Variants in ITSN2 observed in about 807,000 individuals in gnomAD.
ITSN2 encodes intersectin 2, also known as intersectin-2.
A neutral mutation model predicts 243.7 loss-of-function variants in ITSN2; 156 were observed. The ratio of observed to expected loss-of-function variants is 0.64; its 90% CI spans 0.56 to 0.73. The LOEUF (loss-of-function observed/expected upper bound fraction) is 0.73. Among genes scored for constraint, ITSN2 ranks in the 30% least tolerant of loss-of-function variants. ITSN2 has a pLI of 0.00. For missense variants in ITSN2, 1,801 were observed against 1,996.1 expected, an observed-to-expected ratio of 0.90 and a Z score of 1.86; for synonymous variants, 703 against 699.9, an observed-to-expected ratio of 1.00 and a Z score of -0.07.
intron 4 of ITSN2, 87 bp from the exon 5 acceptor site, chr2:24,312,462 G>A (rs1683369904): frequency 1.1e-6 from 1 of 913,900 alleles, no homozygotes; most frequent in South Asian, 2.4e-5. Flanking sequence ...AAGTAAAAAT[G>A]ATGATATGGC....
At chr2:24,235,236 G>GAA (rs1558461247) in intron 29 of ITSN2, among the ~76,000 whole-genome samples, 3 of 152,178 alleles carry the variant, frequency 2.0e-5, no homozygotes, top group Admixed American at 1.3e-4. Context: ...AATCTGAAAA[G>GAA]GCTATGTACT....
At chr2:24,292,547 A>C (rs899103307) in intron 15 of ITSN2, among the ~76,000 whole-genome samples, 1 of 152,186 alleles carries the variant, frequency 6.6e-6, no homozygotes, top group African/African-American at 2.4e-5. Context: ...AGTGAACTTC[A>C]TTTCTGATAT....
chr2:24,328,933 T>C (rs1206695860), intron 1 of ITSN2, among the ~76,000 whole-genome samples: 1 of 152,194 alleles, frequency 6.6e-6, no homozygotes, highest in Non-Finnish European at 1.5e-5. Context: ...GGGCAAGCAC[T>C]CTAAGAGAAG....
chr2:24,258,061 G>T lies in ITSN2; in HGVS notation c.2715C>A (p.Ala905=). 6.2e-7 allele frequency: 1 copy of T among 1,613,938 alleles called. No individual in the cohort carries two copies. Residue 905 remains alanine, a synonymous_variant, in exon 23 of 40, where the codon GCC becomes GCA. Coordinates refer to ENST00000355123, the MANE Select transcript of ITSN2 (RefSeq NM_006277.3). ...GQVVENLKAQ[A]LCSWTAKKDN... is the part of the protein sequence containing the mutation. The stretch of plus-strand genomic sequence containing the variant: ...CTTTCTTTGCAGTCCAGGAACAAAG[G>T]GCCTGTGCTTTTAAGTTTTCTACCA...
chr2:24,280,474 A>C (rs1204168262), intron 17 of ITSN2, among the ~76,000 whole-genome samples: 2 of 152,150 alleles, frequency 1.3e-5, no homozygotes, highest in Non-Finnish European at 2.9e-5. Context: ...AACTTCCTCT[A>C]TGTGATCAGG....
chr2:24,282,609 T>C (rs1430929826), intron 17 of ITSN2, among the ~76,000 whole-genome samples: 1 of 152,114 alleles, frequency 6.6e-6, no homozygotes, highest in African/African-American at 2.4e-5. Flanking sequence ...ACACCCCCAC[T>C]GGGGCTTCAG....
chr2:24,206,504 G>C (rs1668897450), intron 37 of ITSN2, among the ~76,000 whole-genome samples: 1 of 151,958 alleles, frequency 6.6e-6, no homozygotes, highest in Non-Finnish European at 1.5e-5. Flanking sequence ...GGGAGGTTGG[G>C]GCCTGGCATT....
intron 25 of ITSN2, among the ~76,000 whole-genome samples, chr2:24,250,587 T>C (rs7566420): frequency 0.98 from 149,165 of 152,308 alleles, 73,043 homozygotes; most frequent in East Asian, 0.99. Flanking sequence ...TATCACATCA[T>C]GCACGGGTAA....
intron 18 of ITSN2, chr2:24,273,662 G>A (rs78711174): frequency 0.19 from 28,430 of 152,084 alleles, 3,083 homozygotes; most frequent in Non-Finnish European, 0.25. Flanking sequence ...TTAATTTAAG[G>A]AAAGGATGTC....
chr2:24,319,726 C>T (rs188054391), intron 2 of ITSN2, among the ~76,000 whole-genome samples: 7 of 152,314 alleles, frequency 4.6e-5, no homozygotes. Context: ...CAACCTGTGC[C>T]CCTCTTCTGA....
intron 2 of ITSN2, among the ~76,000 whole-genome samples, chr2:24,319,102 G>A (rs1684262445): frequency 6.6e-6 from 1 of 152,158 alleles, no homozygotes; most frequent in Non-Finnish European, 1.5e-5. Context: ...TGTCTTCCAT[G>A]AAACTGGTCC....
chr2:24,328,139 G>A lies in ITSN2; in HGVS notation c.-33-24C>T, dbSNP rs369189886. The stretch of plus-strand genomic sequence containing the variant: ...ATCTGCAACATAAAAATATTGTGCC[G>A]TTGATAATACAACAAGGGCAAATCA... On this transcript the variant is annotated intron_variant, in intron 1 of 39. Transcript: ENST00000355123. 533 of 1,559,740 alleles carry A rather than the reference G, an allele frequency of 3.4e-4. 1 individual carries two copies. The African/African-American group carries it at 6.3e-3, about 18-fold the overall frequency.
At position 24,252,403 on chromosome 2, in the gene ITSN2, C is replaced by T. The variant is rs770288630; in HGVS notation, c.3062G>A (p.Ser1021Asn). 1.9e-6 allele frequency: 3 copies of T among 1,613,084 alleles called. No individual in the cohort carries two copies. The highest frequency in any genetic ancestry group is 2.2e-5 in the South Asian group (2 of 91,050). The change falls in exon 25 of 40, where the codon AGT becomes AAT. Residue 1021 changes from serine (S) to asparagine (N), a missense_variant. Around this residue, in one of 5 missense-constraint regions of ITSN2, gnomAD observed 928 missense variants for 1,065.4 expected, o/e 0.87. Transcript: ENST00000355123. ...AAAAATTCCACTTCTATCTCCAATA[C>T]TTCCTGTCCACCACTCTCCATCTTT... ...TQKDGEWWTG[S>N]IGDRSGIFPS...
In ITSN2 at chr2:24,360,377, G is replaced by A. The variant is rs112242601; in HGVS notation, c.-107C>T. The A allele has an allele frequency of 6.6e-6, 1 of 152,388 alleles. No individual in the cohort carries two copies. Among genetic ancestry groups the A allele is most frequent in the Non-Finnish European group, 1.5e-5 (1 of 68,150 alleles). 9.4% of individuals were successfully genotyped at this position (152,388 alleles called of 1,614,324 possible). A position where few individuals can be genotyped will look rare whatever the true frequency, so the allele number is the denominator to read the frequency against. ...CCTCAGCACCGGCAGCCTGGGCGCG[G>A]GCAGGCGCGGGGAGACCCTGCTCTG... On this transcript the variant is annotated 5_prime_UTR_variant, in exon 1 of 40. Transcript: ENST00000355123.
At position 24,310,375 on chromosome 2, in the gene ITSN2, G is replaced by A. The variant is rs1025541867; in HGVS notation, c.562C>T (p.Pro188Ser). 5 of 1,612,692 alleles carry A rather than the reference G, an allele frequency of 3.1e-6. No individual in the cohort carries two copies. The highest frequency in any genetic ancestry group is 1.7e-4 in the Middle Eastern group (1 of 6,058). The change falls in exon 7 of 40, where the codon CCT becomes TCT. Residue 188 changes from proline (P) to serine (S), a missense_variant. By Grantham distance (74) the Pro-to-Ser change is moderately conservative (BLOSUM62 -1). This residue lies in a region of ITSN2 where 787 missense variants were observed against 803.9 expected (regional missense o/e 0.98). Transcript: ENST00000355123. ...LPIPYSSSTLPHGSSYSLMMG... is the reference protein window; with the variant it reads ...LPIPYSSSTLSHGSSYSLMMG... ...ATCAGACTATAAGATGACCCATGAG[G>A]CAATGCTAAAAAAGAAAAAGAAGGA...
rs78974736 is a variant in ITSN2, at chr2:24,240,141, A to G, written c.3577+5988T>C. ...TAAAGAAAAAACCTTAGACCAAATA[A>G]TGTGGCTGATTAACAGTGGTATGAT... On this transcript the variant is annotated intron_variant, in intron 29 of 39. Transcript: ENST00000355123. The G allele has an allele frequency of 2.4e-3, 361 of 152,276 alleles. 2 individuals carry two copies. The highest frequency in any genetic ancestry group is 8.3e-3 in the African/African-American group (346 of 41,590). The allele number at this position is 152,276 out of a possible 1,614,324, so 9.4% of individuals were successfully genotyped here.
At chr2:24,215,345 T>G (rs1669853336) in intron 32 of ITSN2, among the ~76,000 whole-genome samples, 1 of 152,254 alleles carries the variant, frequency 6.6e-6, no homozygotes, top group Non-Finnish European at 1.5e-5. Context: ...TTTTAAATTT[T>G]ATCTTGTTGC....
chr2:24,256,924 G>A (rs748702946), intron 23 of ITSN2, among the ~76,000 whole-genome samples: 3 of 152,196 alleles, frequency 2.0e-5, no homozygotes, highest in Non-Finnish European at 2.9e-5. Context: ...GCAAAGAGGA[G>A]GCCCTCAGTA....
At chr2:24,234,747 T>C (rs1429801517) in intron 29 of ITSN2, among the ~76,000 whole-genome samples, 1 of 152,192 alleles carries the variant, frequency 6.6e-6, no homozygotes, top group African/African-American at 2.4e-5. Context: ...AAAAGATGCT[T>C]TGCATCATAC....
Sources: allele counts gnomAD v4.1 joint callset (sites outside exome capture counted in the v4.1 genomes callset), GRCh38; gene constraint gnomAD v4.1.1; regional missense constraint gnomAD v4.1.1; transcripts MANE v1.5; gene names NCBI Gene and HGNC (gene_info 2026-07-23, HGNC 2026-07-21).